WDPCP: variants seen among roughly 807,000 people sequenced by gnomAD.
The protein encoded by WDPCP is WD repeat-containing and planar cell polarity effector protein fritz homolog.
WDPCP carries 71 observed loss-of-function variants against 93.1 expected under a neutral mutation model. The ratio of observed to expected loss-of-function variants is 0.76; its 90% confidence interval spans 0.63 to 0.93. The LOEUF (loss-of-function observed/expected upper bound fraction) is 0.93, where lower values mean the gene tolerates loss of function less well. WDPCP is among the 40% of genes least tolerant of loss of function. The pLI, the probability that WDPCP is intolerant of heterozygous loss-of-function variation, is 0.00. For synonymous variants in WDPCP, 315 were observed against 315.0 expected (o/e 1.00, Z 0.00); for missense variants, 844 against 887.4 (o/e 0.95, Z 0.62).
At chr2:63,383,155 G>A (rs1290278402) in intron 10 of WDPCP, among the ~76,000 whole-genome samples, 1 of 151,284 alleles carries the variant, frequency 6.6e-6, no homozygotes, top group Non-Finnish European at 1.5e-5. Flanking sequence ...GCAACCACAG[G>A]AAAAAAAATA....
intron 12 of WDPCP, among the ~76,000 whole-genome samples, chr2:63,375,219 G>C (rs181062830): frequency 1.3e-5 from 2 of 151,872 alleles, no homozygotes; most frequent in African/African-American, 4.8e-5. Flanking sequence ...GTTTCTATTT[G>C]TTTATGATGA....
At chr2:63,303,369 G>A (rs921611106) in intron 13 of WDPCP, among the ~76,000 whole-genome samples, 3 of 152,076 alleles carry the variant, frequency 2.0e-5, no homozygotes, top group Non-Finnish European at 2.9e-5. Flanking sequence ...GGTAGGACGT[G>A]GGTTGGCCTT....
intron 2 of WDPCP, among the ~76,000 whole-genome samples, chr2:63,718,164 G>A (rs1438559029): frequency 6.6e-6 from 1 of 151,844 alleles, no homozygotes; most frequent in African/African-American, 2.4e-5. Flanking sequence ...TCCATTGATG[G>A]ACACTACTTA....
At chr2:63,467,473 A>G (rs1699416694) in intron 6 of WDPCP, among the ~76,000 whole-genome samples, 1 of 151,452 alleles carries the variant, frequency 6.6e-6, no homozygotes, top group Admixed American at 6.6e-5. Flanking sequence ...CCCCATCTCA[A>G]AAAAACAAAC....
At chr2:63,323,813 T>G (rs1687311410) in intron 12 of WDPCP, among the ~76,000 whole-genome samples, 1 of 152,202 alleles carries the variant, frequency 6.6e-6, no homozygotes, top group African/African-American at 2.4e-5. Flanking sequence ...CCTTTCTCAG[T>G]CCCCCTTGTG....
chr2:63,731,058 C>A (rs1340852647), intron 2 of WDPCP, among the ~76,000 whole-genome samples: 1 of 151,974 alleles, frequency 6.6e-6, no homozygotes, highest in Non-Finnish European at 1.5e-5. Flanking sequence ...ATCACGAGGT[C>A]AGGAGATCGA....
At chr2:63,823,705 C>T (rs969539035) in intron 1 of WDPCP, among the ~76,000 whole-genome samples, 1 of 152,118 alleles carries the variant, frequency 6.6e-6, no homozygotes, top group Non-Finnish European at 1.5e-5. Flanking sequence ...CCCCTAAATA[C>T]ACCAGTAACC....
At chr2:63,288,053 A>T (rs1684140550) in intron 13 of WDPCP, among the ~76,000 whole-genome samples, 2 of 152,234 alleles carry the variant, frequency 1.3e-5, no homozygotes, top group Admixed American at 6.5e-5. Context: ...AAGCCATCCT[A>T]CAAAAATCAT....
chr2:63,585,700 C>T (rs1412177006), intron 1 of WDPCP, among the ~76,000 whole-genome samples: 1 of 151,388 alleles, frequency 6.6e-6, no homozygotes, highest in Admixed American at 6.6e-5. Flanking sequence ...CAGATTATAA[C>T]AAAATTGTTA....
At chr2:63,769,691 T>C (rs1309407184) in intron 2 of WDPCP, among the ~76,000 whole-genome samples, 4 of 151,962 alleles carry the variant, frequency 2.6e-5, no homozygotes, top group Non-Finnish European at 5.9e-5. Flanking sequence ...GAGTTTCTGA[T>C]TCCATGAAAT....
chr2:63,456,707 A>G (rs1558659331), intron 6 of WDPCP, among the ~76,000 whole-genome samples: 2 of 152,154 alleles, frequency 1.3e-5, no homozygotes, highest in African/African-American at 4.8e-5. Flanking sequence ...ATTACAAAGG[A>G]TCAATGAAAT....
intron 6 of WDPCP, among the ~76,000 whole-genome samples, chr2:63,479,108 G>A (rs1284927208): frequency 6.6e-6 from 1 of 151,596 alleles, no homozygotes; most frequent in Non-Finnish European, 1.5e-5. Flanking sequence ...TAAATTCCTG[G>A]AAATATACAA....
At chr2:63,743,492 A>T (rs1669754012) in intron 2 of WDPCP, among the ~76,000 whole-genome samples, 2 of 152,114 alleles carry the variant, frequency 1.3e-5, no homozygotes, top group African/African-American at 4.8e-5. Context: ...TACAGTTTTT[A>T]AAAAAATACA....
At chr2:63,810,408 C>T (rs189867379) in intron 2 of WDPCP, among the ~76,000 whole-genome samples, 1 of 152,292 alleles carries the variant, frequency 6.6e-6, no homozygotes, top group Non-Finnish European at 1.5e-5. Context: ...AGTATCAGTT[C>T]ATACAAGGTT....
intron 13 of WDPCP, among the ~76,000 whole-genome samples, chr2:63,260,845 G>A (rs999607172): frequency 1.8e-4 from 27 of 152,322 alleles, no homozygotes; most frequent in Non-Finnish European, 2.8e-4. Flanking sequence ...ACCAGCACCC[G>A]GCCGGTAAAG....
intron 13 of WDPCP, among the ~76,000 whole-genome samples, chr2:63,310,325 A>G (rs759465706): frequency 5.3e-5 from 8 of 152,262 alleles, no homozygotes; most frequent in Admixed American, 1.3e-4. Flanking sequence ...GAAAATTACT[A>G]TGAGGTTGCT....
chr2:63,486,479 A>G, intron 4 of WDPCP, 63 bp downstream of exon 4: 2 of 1,439,106 alleles, frequency 1.4e-6, no homozygotes, highest in South Asian at 2.6e-5. Flanking sequence ...TTCCAGATGA[A>G]TATTTTATAA....
At chr2:63,722,579 C>A (rs1309128575) in intron 2 of WDPCP, among the ~76,000 whole-genome samples, 2 of 143,356 alleles carry the variant, frequency 1.4e-5, no homozygotes, top group African/African-American at 5.1e-5. Context: ...CAGCCCCCCG[C>A]CCGGCCAGCC....
intron 1 of WDPCP, among the ~76,000 whole-genome samples, chr2:63,535,750 A>G (rs960106235): frequency 3.3e-5 from 5 of 152,268 alleles, no homozygotes; most frequent in African/African-American, 1.2e-4. Context: ...ACCTAAAACC[A>G]TAAAAGCCCT....
Sources: gnomAD v4.1 joint callset for allele counts (sites outside exome capture counted in the v4.1 genomes callset) on GRCh38, gnomAD v4.1.1 for gene constraint, MANE v1.5 for transcripts, NCBI Gene and HGNC (gene_info 2026-07-23, HGNC 2026-07-21) for gene names.